The following TMEM117 variants were observed in gnomAD, a reference collection of about 807,000 sequenced individuals.
TMEM117 encodes transmembrane protein 117.
Under a neutral mutation model 52.4 loss-of-function variants are expected in TMEM117, and 27 were observed. That is an observed-to-expected ratio of 0.51 (90% CI 0.38 to 0.71). The LOEUF (loss-of-function observed/expected upper bound fraction) is 0.71, where lower values mean the gene tolerates loss of function less well. Ranked by LOEUF, TMEM117 falls within the 30% of genes least tolerant of loss-of-function variation. The pLI, the probability that TMEM117 is intolerant of heterozygous loss-of-function variation, is 0.00. For synonymous variants in TMEM117, 215 were observed against 206.3 expected (o/e 1.04, Z -0.36); for missense variants, 556 against 630.5 (o/e 0.88, Z 1.26).
chr12:44,050,182 C>A (rs961849613), intron 3 of TMEM117, among the ~76,000 whole-genome samples: 1 of 152,118 alleles, frequency 6.6e-6, no homozygotes, highest in Non-Finnish European at 1.5e-5. Flanking sequence ...AATAGCAGAG[C>A]TTCTTTGTTT....
intron 2 of TMEM117, among the ~76,000 whole-genome samples, chr12:43,866,581 A>G (rs1943603823): frequency 6.6e-6 from 1 of 151,922 alleles, no homozygotes; most frequent in African/African-American, 2.4e-5. Context: ...TCTCTTAAAA[A>G]ACAAAAATAA....
In TMEM117 at chr12:44,250,024, G is replaced by A. The variant is rs567513119; in HGVS notation, c.608+38637G>A. ...AATTAAACTAAAGAACTTCTGCACAGCAAATGAAACTATCATCAGAGTGAA... is the reference window on the plus strand; with the variant it reads ...AATTAAACTAAAGAACTTCTGCACAACAAATGAAACTATCATCAGAGTGAA... On this transcript the variant is annotated intron_variant, in intron 5 of 7. Coordinates refer to ENST00000266534, the MANE Select transcript of TMEM117 (RefSeq NM_032256.3). 2.8e-3 allele frequency among the ~76,000 whole-genome samples: 423 copies of A among 152,192 alleles called. 2 individuals carry two copies. The highest frequency in any genetic ancestry group is 0.01 in the Middle Eastern group (3 of 294).
chr12:44,044,991 ACT>A (rs1432964646), intron 3 of TMEM117, among the ~76,000 whole-genome samples: 2 of 152,180 alleles, frequency 1.3e-5, no homozygotes, highest in East Asian at 3.9e-4. Flanking sequence ...TGTGGATGGA[ACT>A]CTCTGAGTGG....
chr12:44,396,096 G>A, the TMEM117 span, among the ~76,000 whole-genome samples: 5 of 152,170 alleles, frequency 3.3e-5, no homozygotes, highest in Admixed American at 6.5e-5. Context: ...TTACTGCCTG[G>A]CACTCAAGAC....
At chr12:43,982,211 G>A (rs139406248) in intron 3 of TMEM117, among the ~76,000 whole-genome samples, 1,689 of 152,268 alleles carry the variant, frequency 0.011, 16 homozygotes, top group Non-Finnish European at 0.018. Flanking sequence ...CTTTTAAGGT[G>A]AGACTACAAA....
Position 44,334,903 on chromosome 12 carries a change from T to G in TMEM117, c.768+35164T>G, listed in dbSNP as rs114689248. Reference sequence around the variant, plus strand: ...AAGTATATAGAATGGCCTTTCACTGTGATATTATAATTTCACAAGGAGAGC... The same window carrying G: ...AAGTATATAGAATGGCCTTTCACTGGGATATTATAATTTCACAAGGAGAGC... On this transcript the variant is annotated intron_variant, in intron 6 of 7. Coordinates refer to ENST00000266534, the MANE Select transcript of TMEM117 (RefSeq NM_032256.3). Among the ~76,000 whole-genome samples the G allele has an allele frequency of 6.0e-3, 913 of 152,106 alleles. 12 individuals are homozygous for G. Among genetic ancestry groups the G allele is most frequent in the African/African-American group, 0.02 (826 of 41,514 alleles).
At chr12:43,805,860 G>A in the TMEM117 span, 9 of 1,421,510 alleles carry the variant, frequency 6.3e-6, no homozygotes, top group Non-Finnish European at 8.4e-6. Flanking sequence ...TGAAGCCCCA[G>A]TCGCCTCCAC....
At chr12:44,101,908 G>A (rs1166626996) in intron 3 of TMEM117, among the ~76,000 whole-genome samples, 1 of 151,944 alleles carries the variant, frequency 6.6e-6, no homozygotes, top group Non-Finnish European at 1.5e-5. Context: ...AGGGAAGATT[G>A]TGATGGTCAA....
At position 44,035,883 on chromosome 12, in the gene TMEM117, G is replaced by A. The variant is rs11182394; in HGVS notation, c.410+91541G>A. ...GAATCACACCTGAAGAGAAAGGAAGGCAACTGCAGGACTGCTGAGGGCCCC... is the reference window on the plus strand; with the variant it reads ...GAATCACACCTGAAGAGAAAGGAAGACAACTGCAGGACTGCTGAGGGCCCC... On this transcript the variant is annotated intron_variant, in intron 3 of 7. Transcript: ENST00000266534. 1.4e-3 allele frequency among the ~76,000 whole-genome samples: 213 copies of A among 152,238 alleles called. 3 individuals are homozygous for A. The East Asian group carries it at 0.025, about 18-fold the overall frequency.
chr12:43,949,050 G>A (rs915303511), intron 3 of TMEM117, among the ~76,000 whole-genome samples: 2 of 152,170 alleles, frequency 1.3e-5, no homozygotes, highest in African/African-American at 4.8e-5. Flanking sequence ...AGTGGGAGGG[G>A]GAGGTGAAAT....
At chr12:43,953,333 C>G (rs1298719335) in intron 3 of TMEM117, among the ~76,000 whole-genome samples, 2 of 151,912 alleles carry the variant, frequency 1.3e-5, no homozygotes, top group Non-Finnish European at 2.9e-5. Flanking sequence ...GGCTAAATGC[C>G]CCATTAAAAG....
chr12:44,208,675 G>C (rs1285108910), intron 4 of TMEM117, among the ~76,000 whole-genome samples: 1 of 146,456 alleles, frequency 6.8e-6, no homozygotes, highest in Non-Finnish European at 1.5e-5. Context: ...AAAAAATAAA[G>C]AGTTCGAGCT....
At chr12:44,209,452 A>T (rs1197211731) in intron 4 of TMEM117, among the ~76,000 whole-genome samples, 1 of 152,170 alleles carries the variant, frequency 6.6e-6, no homozygotes, top group African/African-American at 2.4e-5. Context: ...TCATCGATGA[A>T]CTAGTTTCTC....
intron 1 of TMEM117, among the ~76,000 whole-genome samples, chr12:43,843,193 T>C (rs1488437715): frequency 6.6e-6 from 1 of 152,184 alleles, no homozygotes; most frequent in African/African-American, 2.4e-5. Context: ...CTCTTCCCTT[T>C]CTGAATTCTA....
In TMEM117 at chr12:44,169,054, C is replaced by T. The variant is rs890184026; in HGVS notation, c.510+25430C>T. Among the ~76,000 whole-genome samples the T allele has an allele frequency of 7.9e-5, 12 of 152,128 alleles. No individual in the cohort carries two copies. In the East Asian group the frequency reaches 1.2e-3, roughly 15 times the overall value. On this transcript the variant is annotated intron_variant, in intron 4 of 7. Transcript: ENST00000266534. Reference sequence around the variant, plus strand: ...CAGAATTTCCTTCCTTTTTAAGGCTCGTATTCTATTTTGTATGTATACTAA... The same window carrying T: ...CAGAATTTCCTTCCTTTTTAAGGCTTGTATTCTATTTTGTATGTATACTAA...
At chr12:43,798,621 TAA>T in the TMEM117 span, 3,222 of 1,310,856 alleles carry the variant, frequency 2.5e-3, no homozygotes, top group South Asian at 6.0e-3. Flanking sequence ...ATCAAACTCG[TAA>T]AAAAAAAAAA....
At chr12:44,277,414 TA>T (rs574183369) in intron 5 of TMEM117, among the ~76,000 whole-genome samples, 20 of 151,332 alleles carry the variant, frequency 1.3e-4, no homozygotes, top group South Asian at 6.3e-4. Flanking sequence ...TTTGATATCT[TA>T]AAAAAAAAGA....
At chr12:44,232,629 C>T (rs887635424) in intron 5 of TMEM117, among the ~76,000 whole-genome samples, 1 of 151,368 alleles carries the variant, frequency 6.6e-6, no homozygotes, top group Non-Finnish European at 1.5e-5. Flanking sequence ...TGTCAATTTC[C>T]ACAATAAAAT....
intron 2 of TMEM117, among the ~76,000 whole-genome samples, chr12:43,863,260 CAACAAACA>C (rs552729456): frequency 3.4e-5 from 3 of 89,074 alleles, no homozygotes; most frequent in East Asian, 3.7e-4. Flanking sequence ...ACAGCAACAA[CAACAAACA>C]AACAAACAAA....
Sources: allele counts gnomAD v4.1 joint callset (sites outside exome capture counted in the v4.1 genomes callset), GRCh38; gene constraint gnomAD v4.1.1; transcripts MANE v1.5; gene names NCBI Gene and HGNC (gene_info 2026-07-23, HGNC 2026-07-21).